GPD2: variants seen among roughly 807,000 people sequenced by gnomAD.
GPD2 encodes glycerol-3-phosphate dehydrogenase, mitochondrial.
In GPD2, 54 loss-of-function variants were observed where a neutral mutation model predicts 82.4. The observed-to-expected ratio is 0.66, with a 90% CI of 0.53 to 0.82. The LOEUF (loss-of-function observed/expected upper bound fraction) is 0.82. Among genes scored for constraint, GPD2 ranks in the 40% least tolerant of loss-of-function variants. The probability of loss-of-function intolerance (pLI) is 0.00; values close to 1 mark genes in which losing one functional copy is unlikely to be tolerated. For synonymous variants in GPD2, 288 were observed against 306.1 expected, an observed-to-expected ratio of 0.94 and a Z score of 0.62; for missense variants, 748 against 896.2, an observed-to-expected ratio of 0.83 and a Z score of 2.11.
intron 2 of GPD2, among the ~76,000 whole-genome samples, chr2:156,495,317 C>T (rs1026664596): frequency 6.6e-6 from 1 of 151,856 alleles, no homozygotes. Context: ...GCCACCGCAC[C>T]CCAGGCTGGG....
chr2:156,548,659 A>G (rs1204688373), intron 6 of GPD2, among the ~76,000 whole-genome samples: 1 of 152,200 alleles, frequency 6.6e-6, no homozygotes, highest in Non-Finnish European at 1.5e-5. Context: ...AATGTTTGGT[A>G]TGCTGGCAAC....
At chr2:156,529,731 C>T (rs1246567904) in intron 6 of GPD2, among the ~76,000 whole-genome samples, 3 of 150,764 alleles carry the variant, frequency 2.0e-5, no homozygotes, top group South Asian at 2.1e-4. Flanking sequence ...TCAGGTTTGT[C>T]AAAGATCAGA....
chr2:156,516,494 A>G (rs1014274996), intron 6 of GPD2, among the ~76,000 whole-genome samples: 1 of 152,234 alleles, frequency 6.6e-6, no homozygotes, highest in African/African-American at 2.4e-5. Context: ...GCTGGAATGC[A>G]GTAGCATGAT....
intron 2 of GPD2, among the ~76,000 whole-genome samples, chr2:156,494,024 A>G (rs570262136): frequency 6.6e-6 from 1 of 151,604 alleles, no homozygotes; most frequent in East Asian, 1.9e-4. Context: ...TGTTCTCTGT[A>G]GTACCTACTG....
At position 156,513,683 on chromosome 2, in the gene GPD2, A is replaced by G. The variant is rs115204457; in HGVS notation, c.661+187A>G. ...GCTGAAAAACTAACCATACCATTTT[A>G]CCTTTAATACTGTTTATTTTACATA... On this transcript the variant is annotated intron_variant, in intron 6 of 16. Transcript: ENST00000438166. 2.9e-3 allele frequency among the ~76,000 whole-genome samples: 446 copies of G among 152,112 alleles called. 1 individual carries two copies. The highest frequency in any genetic ancestry group is 1.0e-2 in the African/African-American group (415 of 41,502).
intron 1 of GPD2, among the ~76,000 whole-genome samples, chr2:156,459,026 T>TATAC (rs1491393513): frequency 7.6e-5 from 9 of 118,876 alleles, no homozygotes; most frequent in African/African-American, 2.2e-4. Flanking sequence ...TATATATATA[T>TATAC]ACACACACAC....
At chr2:156,459,562 C>T (rs1682910928) in intron 1 of GPD2, among the ~76,000 whole-genome samples, 1 of 151,562 alleles carries the variant, frequency 6.6e-6, no homozygotes, top group Non-Finnish European at 1.5e-5. Flanking sequence ...GTGGCGCATG[C>T]CTGTAATCCC....
At chr2:156,568,991 T>TTG in intron 10 of GPD2, 32 bp downstream of exon 10, 1 of 414,516 alleles carries the variant, frequency 2.4e-6, no homozygotes, top group Non-Finnish European at 3.3e-6. Flanking sequence ...TTTTCTTTTC[T>TTG]TTTTTTTTTT....
At chr2:156,454,958 CA>C (rs1327719197) in intron 1 of GPD2, among the ~76,000 whole-genome samples, 3 of 152,044 alleles carry the variant, frequency 2.0e-5, no homozygotes, top group Non-Finnish European at 4.4e-5. Context: ...AGCTGCCCTT[CA>C]GTGGCTGATA....
intron 6 of GPD2, among the ~76,000 whole-genome samples, chr2:156,535,397 G>A (rs1329519089): frequency 8.5e-6 from 1 of 117,220 alleles, no homozygotes; most frequent in Non-Finnish European, 1.7e-5. Context: ...CCTGGGGGGG[G>A]GCGGGGAGAG....
intron 16 of GPD2, 52 bp downstream of exon 16, chr2:156,579,840 C>A: frequency 1.1e-6 from 1 of 874,544 alleles, no homozygotes; most frequent in South Asian, 1.3e-5. Context: ...TTTTGTTTGT[C>A]ATGATCATAA....
At chr2:156,424,808 A>G in the GPD2 span, among the ~76,000 whole-genome samples, 1 of 152,334 alleles carries the variant, frequency 6.6e-6, no homozygotes, top group Non-Finnish European at 1.5e-5. Flanking sequence ...TTCCCCCATG[A>G]CAACAATGGA....
At chr2:156,459,629 A>G (rs1573890289) in intron 1 of GPD2, among the ~76,000 whole-genome samples, 1 of 144,844 alleles carries the variant, frequency 6.9e-6, no homozygotes, top group Non-Finnish European at 1.5e-5. Flanking sequence ...CAGAGGTTGC[A>G]GTTAACTGAG....
intron 2 of GPD2, among the ~76,000 whole-genome samples, chr2:156,486,030 G>T (rs1314479184): frequency 6.6e-6 from 1 of 152,162 alleles, no homozygotes; most frequent in Non-Finnish European, 1.5e-5. Flanking sequence ...GAATGTGTCT[G>T]ATATCTAAAG....
chr2:156,457,800 G>T (rs115663538), intron 1 of GPD2, among the ~76,000 whole-genome samples: 1 of 152,340 alleles, frequency 6.6e-6, no homozygotes, highest in Non-Finnish European at 1.5e-5. Flanking sequence ...GTGTGAAAAG[G>T]CCAGAGCTTA....
chr2:156,476,887 C>T (rs1315687752), intron 2 of GPD2, among the ~76,000 whole-genome samples: 1 of 152,164 alleles, frequency 6.6e-6, no homozygotes, highest in African/African-American at 2.4e-5. Context: ...GTATCAGTCT[C>T]TTGTTCCCCC....
At chr2:156,504,907 A>G (rs1178851624) in intron 3 of GPD2, among the ~76,000 whole-genome samples, 2 of 152,122 alleles carry the variant, frequency 1.3e-5, no homozygotes, top group Non-Finnish European at 2.9e-5. Context: ...TAAATACCCA[A>G]ATGTCAACTG....
the GPD2 span, among the ~76,000 whole-genome samples, chr2:156,403,155 AGT>A: frequency 6.7e-6 from 1 of 149,892 alleles, no homozygotes; most frequent in Non-Finnish European, 1.5e-5. Context: ...CAAGGAAAAA[AGT>A]CTTATGTAAA....
At chr2:156,500,195 CTTATT>C (rs1306009083) in intron 3 of GPD2, among the ~76,000 whole-genome samples, 1 of 151,948 alleles carries the variant, frequency 6.6e-6, no homozygotes, top group Non-Finnish European at 1.5e-5. Context: ...AATTGCCTGT[CTTATT>C]TTATATATGT....
Sources: gnomAD v4.1 joint callset for allele counts (sites outside exome capture counted in the v4.1 genomes callset) on GRCh38, gnomAD v4.1.1 for gene constraint, MANE v1.5 for transcripts, NCBI Gene and HGNC (gene_info 2026-07-23, HGNC 2026-07-21) for gene names.